SPAM1: variants seen among roughly 807,000 people sequenced by gnomAD.
SPAM1 encodes the protein sperm adhesion molecule 1.
A neutral mutation model predicts 29.6 loss-of-function variants in SPAM1; 22 were observed. The observed-to-expected ratio is 0.74, with a 90% CI of 0.53 to 1.06. The LOEUF (loss-of-function observed/expected upper bound fraction) is 1.06. SPAM1 is among the 50% of genes least tolerant of loss of function. The probability of loss-of-function intolerance (pLI) is 0.00; values close to 1 mark genes in which losing one functional copy is unlikely to be tolerated. For missense variants in SPAM1, 534 were observed against 604.0 expected, an observed-to-expected ratio of 0.88 and a Z score of 1.21; for synonymous variants, 194 against 204.6, an observed-to-expected ratio of 0.95 and a Z score of 0.44.
intron 1 of SPAM1, among the ~76,000 whole-genome samples, chr7:123,937,538 T>C (rs767825088): frequency 5.7e-4 from 85 of 148,152 alleles, no homozygotes; most frequent in Non-Finnish European, 9.8e-4. Flanking sequence ...GAGGCGGAGC[T>C]TGCAGTGAGC....
intron 2 of SPAM1, among the ~76,000 whole-genome samples, chr7:123,952,498 TG>T (rs373448545): frequency 5.3e-5 from 8 of 152,136 alleles, no homozygotes; most frequent in African/African-American, 1.7e-4. Context: ...AAATACTAAA[TG>T]CTGAGTATAT....
chr7:123,958,437 G>T (rs1792291866), intron 4 of SPAM1, among the ~76,000 whole-genome samples: 1 of 151,928 alleles, frequency 6.6e-6, no homozygotes, highest in Non-Finnish European at 1.5e-5. Flanking sequence ...CCCATAACTT[G>T]ACTATATATA....
intron 1 of SPAM1, among the ~76,000 whole-genome samples, chr7:123,945,695 T>C (rs1563025970): frequency 6.6e-6 from 1 of 152,118 alleles, no homozygotes; most frequent in Non-Finnish European, 1.5e-5. Context: ...AGATTTTCCC[T>C]GGTATTGAAG....
chr7:123,953,617 AATC>A lies in SPAM1; in HGVS notation c.49_51del (p.Ser18del). ...CACATCTTTTTCAGAAGCTTTGTTA[AATC>A]AAGTGGAGTATCCCAGATAGTTTTC... On this transcript the variant is annotated inframe_deletion, in exon 3 of 5. Coordinates refer to ENST00000682466, the MANE Select transcript of SPAM1 (RefSeq NM_153189.3). 6.2e-7 allele frequency: 1 copy of A among 1,602,320 alleles called. No individual in the cohort carries two copies. Among genetic ancestry groups the A allele is most frequent in the South Asian group, 1.1e-5 (1 of 88,296 alleles).
chr7:123,962,311 A>G (rs766648992), downstream of SPAM1, among the ~76,000 whole-genome samples: 1 of 151,798 alleles, frequency 6.6e-6, no homozygotes, highest in Non-Finnish European at 1.5e-5. Flanking sequence ...GGTCACTTGT[A>G]TGTTTTGACA....
At chr7:123,938,260 GC>G (rs1237803791) in intron 1 of SPAM1, among the ~76,000 whole-genome samples, 10 of 152,038 alleles carry the variant, frequency 6.6e-5, no homozygotes, top group Admixed American at 6.6e-4. Context: ...ATACCACCAT[GC>G]CTGGCTGTAG....
At chr7:123,938,828 A>G (rs1253620729) in intron 1 of SPAM1, among the ~76,000 whole-genome samples, 1 of 152,168 alleles carries the variant, frequency 6.6e-6, no homozygotes, top group Non-Finnish European at 1.5e-5. Flanking sequence ...AGTAATAATA[A>G]AGGTGTTTGT....
intron 1 of SPAM1, among the ~76,000 whole-genome samples, chr7:123,930,799 G>A (rs1384404844): frequency 6.6e-6 from 1 of 152,042 alleles, no homozygotes; most frequent in Non-Finnish European, 1.5e-5. Context: ...GCTCCCATTT[G>A]TAAAAAGCAT....
At chr7:123,930,789 G>C (rs192301720) in intron 1 of SPAM1, among the ~76,000 whole-genome samples, 7 of 152,240 alleles carry the variant, frequency 4.6e-5, no homozygotes, top group East Asian at 1.9e-4. Flanking sequence ...CGGGAGAACT[G>C]CTCCCATTTG....
At chr7:123,938,164 A>G (rs1164603039) in intron 1 of SPAM1, among the ~76,000 whole-genome samples, 1 of 151,246 alleles carries the variant, frequency 6.6e-6, no homozygotes, top group South Asian at 2.1e-4. Flanking sequence ...GTTCACAGGC[A>G]TGATATGGGC....
intron 4 of SPAM1, among the ~76,000 whole-genome samples, chr7:123,956,165 C>A (rs1792244784): frequency 6.6e-6 from 1 of 151,882 alleles, no homozygotes; most frequent in African/African-American, 2.4e-5. Context: ...GATTCAAATT[C>A]TACTACTATG....
intron 1 of SPAM1, chr7:123,925,778 A>C (rs1807861706): frequency 6.6e-6 from 1 of 151,432 alleles, no homozygotes; most frequent in African/African-American, 2.4e-5. Flanking sequence ...ATTGGTTAAT[A>C]AGACCTGTGT....
At chr7:123,934,142 G>T (rs1808178166) in intron 1 of SPAM1, among the ~76,000 whole-genome samples, 1 of 152,046 alleles carries the variant, frequency 6.6e-6, no homozygotes. Context: ...GTTTGTATAA[G>T]TACACTCTAT....
chr7:123,937,373 G>A lies in SPAM1; in HGVS notation c.-319+12021G>A, dbSNP rs566523126. Among the ~76,000 whole-genome samples, 18 of 152,148 alleles carry A rather than the reference G, an allele frequency of 1.2e-4. No individual in the cohort carries two copies. The East Asian group carries it at 1.5e-3, about 13-fold the overall frequency. ...TCCCAGCATTTTGGGAGGCCAAGGCGGGCGGATCACAAAGTCAGGAGATCG... is the reference window on the plus strand; with the variant it reads ...TCCCAGCATTTTGGGAGGCCAAGGCAGGCGGATCACAAAGTCAGGAGATCG... On this transcript the variant is annotated intron_variant, in intron 1 of 4. Transcript: ENST00000682466.
downstream of SPAM1, among the ~76,000 whole-genome samples, chr7:123,960,855 T>C (rs1792349310): frequency 6.6e-6 from 1 of 151,912 alleles, no homozygotes; most frequent in Non-Finnish European, 1.5e-5. Context: ...ATGTTTAAGC[T>C]TTGTTTAATA....
At chr7:123,943,314 A>C (rs1318071674) in intron 1 of SPAM1, among the ~76,000 whole-genome samples, 1 of 152,130 alleles carries the variant, frequency 6.6e-6, no homozygotes, top group Admixed American at 6.6e-5. Flanking sequence ...ACCCGTCAGA[A>C]TCCTATGCTG....
Position 123,944,043 on chromosome 7 carries a change from C to T in SPAM1, c.-318-5829C>T, listed in dbSNP as rs187325191. ...AACCTTGTTAATCTAACACAGGAGT[C>T]CATATTCTGGTCTTGCTTCAGCGTG... On this transcript the variant is annotated intron_variant, in intron 1 of 4. Transcript: ENST00000682466. Among the ~76,000 whole-genome samples the T allele has an allele frequency of 5.2e-3, 789 of 152,226 alleles. 4 individuals carry two copies. The highest frequency in any genetic ancestry group is 8.8e-3 in the Non-Finnish European group (599 of 68,000).
intron 4 of SPAM1, among the ~76,000 whole-genome samples, chr7:123,956,904 T>C (rs572161945): frequency 6.6e-6 from 1 of 152,086 alleles, no homozygotes; most frequent in East Asian, 1.9e-4. Flanking sequence ...TGGATATATA[T>C]ACAAATGATA....
chr7:123,947,702 A>G (rs1441165396), intron 1 of SPAM1: 1 of 152,152 alleles, frequency 6.6e-6, no homozygotes, highest in Non-Finnish European at 1.5e-5. Flanking sequence ...CTCACCCAAC[A>G]GGTTAAATAC....
Sources: allele counts gnomAD v4.1 joint callset (sites outside exome capture counted in the v4.1 genomes callset), GRCh38; gene constraint gnomAD v4.1.1; transcripts MANE v1.5; gene names NCBI Gene and HGNC (gene_info 2026-07-23, HGNC 2026-07-21).